Variants in NCALD observed in about 807,000 individuals in gnomAD.
NCALD encodes neurocalcin delta, also known as neurocalcin-delta.
In NCALD, 10 loss-of-function variants were observed where a neutral mutation model predicts 18.6. That is an observed-to-expected ratio of 0.54 (90% CI 0.33 to 0.91). The LOEUF is 0.91. NCALD is among the 40% of genes least tolerant of loss of function. The pLI, the probability that NCALD is intolerant of heterozygous loss-of-function variation, is 0.03. For synonymous variants in NCALD, 88 were observed against 87.4 expected (o/e 1.01, Z -0.04); for missense variants, 184 against 247.6 (o/e 0.74, Z 1.72).
intron 2 of NCALD, among the ~76,000 whole-genome samples, chr8:101,708,550 T>C (rs527974817): frequency 8.5e-5 from 13 of 152,360 alleles, no homozygotes; most frequent in Admixed American, 7.8e-4. Flanking sequence ...CCAACAATTA[T>C]TGAGTGATAG....
chr8:101,791,556 T>C (rs1414913143), upstream of NCALD, among the ~76,000 whole-genome samples: 1 of 152,194 alleles, frequency 6.6e-6, no homozygotes, highest in African/African-American at 2.4e-5. Flanking sequence ...CTTGGGTTCA[T>C]GACAGTGGCT....
chr8:101,910,705 T>C (rs1817765853), intron 3 of NCALD, among the ~76,000 whole-genome samples: 1 of 152,138 alleles, frequency 6.6e-6, no homozygotes. Flanking sequence ...CCATAATAAA[T>C]AGATCCAGAA....
intron 1 of NCALD, among the ~76,000 whole-genome samples, chr8:102,088,087 GTTA>G (rs1824800453): frequency 6.6e-6 from 1 of 152,186 alleles, no homozygotes; most frequent in South Asian, 2.1e-4. Context: ...CATAGAGAGG[GTTA>G]CCTTAGGATA....
At chr8:102,050,168 C>CAAAAAAAAAAAAAAAAAAAAAAAAA (rs71268541) in intron 1 of NCALD, among the ~76,000 whole-genome samples, 5 of 44,702 alleles carry the variant, frequency 1.1e-4, no homozygotes, top group Admixed American at 3.9e-4. Context: ...GACTCCGTCT[C>CAAAAAAAAAAAAAAAAAAAAAAAAA]AAAAAAAAAA....
chr8:102,046,193 T>C (rs1320753300), intron 1 of NCALD, among the ~76,000 whole-genome samples: 1 of 152,190 alleles, frequency 6.6e-6, no homozygotes, highest in Non-Finnish European at 1.5e-5. Flanking sequence ...CAATATATGA[T>C]AAACTCTCCC....
chr8:101,718,654 A>C (rs1816205415), intron 2 of NCALD, among the ~76,000 whole-genome samples: 1 of 152,184 alleles, frequency 6.6e-6, no homozygotes, highest in Non-Finnish European at 1.5e-5. Flanking sequence ...TGTAAACCAA[A>C]AAATAAAATT....
chr8:102,018,144 T>A (rs1483347024), intron 2 of NCALD, among the ~76,000 whole-genome samples: 1 of 152,188 alleles, frequency 6.6e-6, no homozygotes, highest in Non-Finnish European at 1.5e-5. Flanking sequence ...GAATGTAAAA[T>A]GGCACAGTCA....
intron 1 of NCALD, among the ~76,000 whole-genome samples, chr8:102,108,595 T>A (rs934218687): frequency 2.6e-5 from 4 of 152,184 alleles, no homozygotes; most frequent in African/African-American, 9.7e-5. Context: ...TATCCTTTTG[T>A]AAAAGTCTAA....
intron 2 of NCALD, among the ~76,000 whole-genome samples, chr8:101,947,880 G>A (rs748757499): frequency 3.5e-4 from 54 of 152,324 alleles, no homozygotes; most frequent in Non-Finnish European, 6.0e-4. Flanking sequence ...ACAGCTTCAC[G>A]TGCAAAGGTC....
intron 1 of NCALD, among the ~76,000 whole-genome samples, chr8:101,768,599 C>T (rs1811447644): frequency 6.6e-6 from 1 of 151,998 alleles, no homozygotes; most frequent in South Asian, 2.1e-4. Context: ...ATCCCAGCTA[C>T]TTGGGAGGCT....
intron 1 of NCALD, among the ~76,000 whole-genome samples, chr8:101,752,773 A>C (rs530065806): frequency 6.6e-6 from 1 of 152,352 alleles, no homozygotes; most frequent in Admixed American, 6.5e-5. Flanking sequence ...GTGCTCAGCA[A>C]TATAATGTGA....
At chr8:101,934,650 T>A (rs570134188) in intron 2 of NCALD, among the ~76,000 whole-genome samples, 1 of 135,798 alleles carries the variant, frequency 7.4e-6, no homozygotes, top group South Asian at 2.5e-4. Context: ...GTGAATTTCC[T>A]GAGAGCAGTT....
chr8:102,010,237 G>T (rs1821858289), intron 2 of NCALD, among the ~76,000 whole-genome samples: 2 of 152,194 alleles, frequency 1.3e-5, no homozygotes, highest in South Asian at 4.1e-4. Context: ...GCTACCCATT[G>T]CATACTTGCA....
chr8:101,983,952 T>C (rs1820713034), intron 2 of NCALD, among the ~76,000 whole-genome samples: 1 of 152,208 alleles, frequency 6.6e-6, no homozygotes, highest in African/African-American at 2.4e-5. Flanking sequence ...CGTCATCCTT[T>C]GTTAGTTTCT....
intron 2 of NCALD, among the ~76,000 whole-genome samples, chr8:102,002,103 C>A (rs1406176997): frequency 1.3e-5 from 2 of 152,102 alleles, no homozygotes; most frequent in African/African-American, 4.8e-5. Context: ...AGAGTCAAGA[C>A]CCATCAGTGT....
At chr8:101,727,436 C>A (rs926278538) in intron 1 of NCALD, among the ~76,000 whole-genome samples, 1 of 152,198 alleles carries the variant, frequency 6.6e-6, no homozygotes, top group African/African-American at 2.4e-5. Flanking sequence ...TCTACTCAGC[C>A]TCCAAGAGTA....
At chr8:101,761,503 T>C (rs925040376) in intron 1 of NCALD, among the ~76,000 whole-genome samples, 1 of 152,250 alleles carries the variant, frequency 6.6e-6, no homozygotes, top group African/African-American at 2.4e-5. Flanking sequence ...TAATAAAAAC[T>C]CTCCAGAAAA....
At chr8:101,811,561 C>A (rs1187820980) in intron 4 of NCALD, among the ~76,000 whole-genome samples, 1 of 152,136 alleles carries the variant, frequency 6.6e-6, no homozygotes, top group African/African-American at 2.4e-5. Flanking sequence ...TTAATACAGG[C>A]AACAAATGCG....
chr8:101,868,909 T>C (rs749021546), intron 4 of NCALD, among the ~76,000 whole-genome samples: 12 of 152,244 alleles, frequency 7.9e-5, no homozygotes, highest in Non-Finnish European at 1.6e-4. Flanking sequence ...CTGTGTATTT[T>C]GTCTAATTCT....
Sources: gnomAD v4.1 joint callset for allele counts (sites outside exome capture counted in the v4.1 genomes callset) on GRCh38, gnomAD v4.1.1 for gene constraint, MANE v1.5 for transcripts, NCBI Gene and HGNC (gene_info 2026-07-23, HGNC 2026-07-21) for gene names.